DCTD: variants seen among roughly 807,000 people sequenced by gnomAD.
DCTD encodes the protein dCMP deaminase, also known as deoxycytidylate deaminase.
Under a neutral mutation model 21.0 loss-of-function variants are expected in DCTD, and 23 were observed. The observed-to-expected ratio is 1.09, with a 90% CI of 0.79 to 1.55. DCTD has a LOEUF of 1.55. Among genes scored for constraint, DCTD ranks in the 40% most tolerant of loss-of-function variants. The pLI is 0.00. For missense variants in DCTD, 224 were observed against 230.0 expected, an observed-to-expected ratio of 0.97 and a Z score of 0.17; for synonymous variants, 71 against 81.1, an observed-to-expected ratio of 0.88 and a Z score of 0.67.
At chr4:182,909,909 C>T (rs577011876) in intron 3 of DCTD, among the ~76,000 whole-genome samples, 2 of 152,354 alleles carry the variant, frequency 1.3e-5, no homozygotes, top group East Asian at 3.9e-4. Flanking sequence ...CACTGCCCCA[C>T]ACTGGCAAAG....
chr4:182,908,618 G>A (rs767953269), intron 3 of DCTD, among the ~76,000 whole-genome samples: 1 of 148,586 alleles, frequency 6.7e-6, no homozygotes, highest in Non-Finnish European at 1.5e-5. Flanking sequence ...TGGAGGTGGA[G>A]GCTGCAGTGA....
At chr4:182,908,029 T>C (rs1737024861) in intron 3 of DCTD, among the ~76,000 whole-genome samples, 1 of 148,144 alleles carries the variant, frequency 6.8e-6, no homozygotes, top group South Asian at 2.2e-4. Flanking sequence ...CATATCCCTA[T>C]CCAGATTAAA....
intron 3 of DCTD, among the ~76,000 whole-genome samples, chr4:182,901,330 ATCTAGTTCTGAACTCTAGT>A (rs1246510642): frequency 2.6e-5 from 4 of 152,186 alleles, no homozygotes; most frequent in African/African-American, 9.7e-5. Context: ...GAAGGTTCTG[ATCTAGTTCTGAACTCTAGT>A]TCTAGTTCTG....
intron 3 of DCTD, among the ~76,000 whole-genome samples, chr4:182,913,455 T>C (rs895127796): frequency 6.6e-6 from 1 of 152,230 alleles, no homozygotes; most frequent in Non-Finnish European, 1.5e-5. Context: ...AAGTTGCCCC[T>C]AGGCAATTTA....
rs1001867787 is a variant in DCTD at position 182,899,683 on chromosome 4, G to A, written c.245-5078C>T. On this transcript the variant is annotated intron_variant, in intron 3 of 5. Transcript: ENST00000438320. Reference sequence around the variant, plus strand: ...CCAAAAGTGCTGGGATTACAGGCATGAGCCACCGCGCCCGGCCAGTCACTG... The same window carrying A: ...CCAAAAGTGCTGGGATTACAGGCATAAGCCACCGCGCCCGGCCAGTCACTG... Among the ~76,000 whole-genome samples the A allele has an allele frequency of 2.6e-4, 39 of 152,232 alleles. No homozygotes were observed. The Middle Eastern group carries it at 0.01, about 40-fold the overall frequency.
chr4:182,915,133 C>A, intron 2 of DCTD, 75 bp from the exon 3 acceptor site: 1 of 1,581,802 alleles, frequency 6.3e-7, no homozygotes, highest in Non-Finnish European at 8.7e-7. Flanking sequence ...GGAATAAAAC[C>A]AGGGGGACTG....
At chr4:182,895,611 G>A (rs987857225) in intron 3 of DCTD, among the ~76,000 whole-genome samples, 3 of 152,176 alleles carry the variant, frequency 2.0e-5, no homozygotes, top group African/African-American at 4.8e-5. Context: ...TCCTTGAGGG[G>A]GAATGAGTGG....
intron 3 of DCTD, among the ~76,000 whole-genome samples, chr4:182,905,921 T>C (rs1380734511): frequency 1.3e-5 from 2 of 152,200 alleles, no homozygotes; most frequent in East Asian, 3.9e-4. Flanking sequence ...GTCTAGCTAC[T>C]GCAACCAGAA....
At chr4:182,904,262 G>A (rs980701873) in intron 3 of DCTD, among the ~76,000 whole-genome samples, 2 of 152,178 alleles carry the variant, frequency 1.3e-5, no homozygotes, top group African/African-American at 4.8e-5. Context: ...CTCCCTATGG[G>A]CTAAGGGCAC....
Position 182,917,338 on chromosome 4 carries a change from C to A in DCTD, c.-35G>T. The A allele has an allele frequency of 9.1e-7, 1 of 1,094,392 alleles. No individual in the cohort carries two copies. Among genetic ancestry groups the A allele is most frequent in the South Asian group, 4.3e-5 (1 of 23,084 alleles). 67.8% of individuals were successfully genotyped at this position (1,094,392 alleles called of 1,614,324 possible). ...TCCGGTGCCGGCTCCGCGCGCAGGC[C>A]GGTGCTCGTCCCCGCCGCCGCCGTG... On this transcript the variant is annotated 5_prime_UTR_variant, in exon 1 of 6. Coordinates refer to ENST00000438320, the MANE Select transcript of DCTD (RefSeq NM_001921.3). This position sits in a 1 kb window ranked among gnomAD's most constrained non-coding sequence, Gnocchi z 4.9.
At chr4:182,899,401 T>TTTC (rs1401773690) in intron 3 of DCTD, among the ~76,000 whole-genome samples, 83 of 149,946 alleles carry the variant, frequency 5.5e-4, no homozygotes, top group South Asian at 1.1e-3. Context: ...TTTTTTTTCT[T>TTTC]TTTCTTTTTT....
chr4:182,892,977 T>C, intron 5 of DCTD, 54 bp downstream of exon 5: 1 of 1,072,876 alleles, frequency 9.3e-7, no homozygotes, highest in Non-Finnish European at 1.4e-6. Context: ...CAAATACATC[T>C]CTTCATCAGC....
rs751975911 is a variant in DCTD at position 182,914,929 on chromosome 4, G to A, written c.238C>T (p.Pro80Ser). 1.2e-6 allele frequency: 2 copies of A among 1,614,072 alleles called. No individual in the cohort carries two copies. The highest frequency in any genetic ancestry group is 1.7e-6 in the Non-Finnish European group (2 of 1,180,046). ...TAENKLDTKY[P>S]YVCHAELNAI... ...GACATAAAACTTGCCCTACCGTACG[G>A]GTATTTGGTGTCCAGCTTATTCTCT... The change falls in exon 3 of 6, where the codon CCG becomes TCG. Residue 80 changes from proline to serine, a missense_variant. Transcript: ENST00000438320.
At chr4:182,908,819 C>T (rs73869888) in intron 3 of DCTD, among the ~76,000 whole-genome samples, 1,851 of 152,114 alleles carry the variant, frequency 0.012, 37 homozygotes, top group African/African-American at 0.043. Flanking sequence ...GTGCCCCTGA[C>T]ATTTTATCAA....
At chr4:182,895,028 A>T (rs1364092006) in intron 3 of DCTD, among the ~76,000 whole-genome samples, 1 of 152,236 alleles carries the variant, frequency 6.6e-6, no homozygotes, top group Non-Finnish European at 1.5e-5. Context: ...GAGCGTGTCC[A>T]TCCTGAGGGA....
At chr4:182,905,130 T>C (rs1295854662) in intron 3 of DCTD, among the ~76,000 whole-genome samples, 1 of 152,164 alleles carries the variant, frequency 6.6e-6, no homozygotes, top group East Asian at 1.9e-4. Flanking sequence ...TAAATAAAGC[T>C]GTCCCCATTG....
intron 4 of DCTD, among the ~76,000 whole-genome samples, chr4:182,893,693 G>A (rs1397534568): frequency 6.6e-6 from 1 of 152,234 alleles, no homozygotes; most frequent in East Asian, 1.9e-4. Context: ...TGCAGTGTGG[G>A]GCCCGGACTG....
intron 3 of DCTD, among the ~76,000 whole-genome samples, chr4:182,896,216 G>C (rs915720626): frequency 6.6e-6 from 1 of 152,144 alleles, no homozygotes; most frequent in South Asian, 2.1e-4. Context: ...ACGTACTCTG[G>C]GTCAGAGAGA....
In DCTD at chr4:182,916,845, G is replaced by C. The variant is rs1007154270; in HGVS notation, c.-8+466C>G. On this transcript the variant is annotated intron_variant, in intron 1 of 5. Transcript: ENST00000438320. ...TGAACGCCCACTAGAGCCCTGTGAGGACTGAGGCCCAGCTGTAGAAACAGA... is the reference window on the plus strand; with the variant it reads ...TGAACGCCCACTAGAGCCCTGTGAGCACTGAGGCCCAGCTGTAGAAACAGA... 16 of 1,055,606 alleles carry C rather than the reference G, an allele frequency of 1.5e-5. No individual in the cohort carries two copies. In the African/African-American group the frequency reaches 2.6e-4, roughly 17 times the overall value. The allele number at this position is 1,055,606 out of a possible 1,614,324, so 65.4% of individuals were successfully genotyped here.
Sources: gnomAD v4.1 joint callset for allele counts (sites outside exome capture counted in the v4.1 genomes callset) on GRCh38, gnomAD v4.1.1 for gene constraint, Gnocchi (gnomAD v3.1) non-coding constraint, MANE v1.5 for transcripts, NCBI Gene and HGNC (gene_info 2026-07-23, HGNC 2026-07-21) for gene names.